The following GPC5 variants were observed in gnomAD, a reference collection of about 807,000 sequenced individuals.
GPC5 encodes glypican-5.
In GPC5, 47 loss-of-function variants were observed where a neutral mutation model predicts 53.9. The ratio of observed to expected loss-of-function variants is 0.87; its 90% CI spans 0.69 to 1.11. The LOEUF (loss-of-function observed/expected upper bound fraction) is 1.11, where lower values mean the gene tolerates loss of function less well. Ranked by LOEUF, GPC5 falls within the 50% of genes most tolerant of loss-of-function variation. GPC5 has a pLI of 0.00. For synonymous variants in GPC5, 286 were observed against 263.3 expected, an observed-to-expected ratio of 1.09 and a Z score of -0.84; for missense variants, 748 against 713.1, an observed-to-expected ratio of 1.05 and a Z score of -0.56.
chr13:92,679,818 A>ACTCTCTCTCGCTCGCGTGCGTG (rs1311601021), intron 7 of GPC5, among the ~76,000 whole-genome samples: 2 of 151,556 alleles, frequency 1.3e-5, no homozygotes, highest in Non-Finnish European at 2.9e-5. Context: ...TCTCTCATGC[A>ACTCTCTCTCGCTCGCGTGCGTG]CTCTCTCTCG....
Position 92,256,692 on chromosome 13 carries a change from C to T in GPC5, c.1561+111703C>T, listed in dbSNP as rs953440352. Among the ~76,000 whole-genome samples the T allele has an allele frequency of 6.6e-5, 10 of 151,424 alleles. 1 individual carries two copies. Among genetic ancestry groups the T allele is most frequent in the Admixed American group, 1.3e-4 (2 of 15,190 alleles). On this transcript the variant is annotated intron_variant, in intron 7 of 7. Coordinates refer to ENST00000377067, the MANE Select transcript of GPC5 (RefSeq NM_004466.6). Reference sequence around the variant, plus strand: ...TTACCTAGTTCAATATGAATCTGTACCAATTAAAAGCAATATTTTAGTCAG... The same window carrying T: ...TTACCTAGTTCAATATGAATCTGTATCAATTAAAAGCAATATTTTAGTCAG...
chr13:92,762,479 C>T lies in GPC5; in HGVS notation c.1562-103803C>T, dbSNP rs114241815. Among the ~76,000 whole-genome samples, 302 of 152,190 alleles carry T rather than the reference C, an allele frequency of 2.0e-3. 1 individual carries two copies. The highest frequency in any genetic ancestry group is 7.1e-3 in the African/African-American group (295 of 41,554). Reference sequence around the variant, plus strand: ...AACAAAGATTTTCTTATATGTGACTCGTTGCTTTTCTCTCACTGCTTTTAA... The same window carrying T: ...AACAAAGATTTTCTTATATGTGACTTGTTGCTTTTCTCTCACTGCTTTTAA... On this transcript the variant is annotated intron_variant, in intron 7 of 7. Transcript: ENST00000377067.
chr13:91,725,233 C>T (rs769237535), intron 3 of GPC5: 2 of 152,148 alleles, frequency 1.3e-5, no homozygotes, highest in Non-Finnish European at 2.9e-5. Context: ...AGTAGATAAG[C>T]ATTAGGGAGG....
intron 6 of GPC5, among the ~76,000 whole-genome samples, chr13:92,039,717 A>G (rs1476914469): frequency 1.3e-5 from 2 of 152,126 alleles, no homozygotes; most frequent in Non-Finnish European, 2.9e-5. Flanking sequence ...TTGGCTCACA[A>G]TGAATGGCTG....
chr13:92,305,591 T>A (rs1006772114), intron 7 of GPC5, among the ~76,000 whole-genome samples: 5 of 152,146 alleles, frequency 3.3e-5, no homozygotes, highest in African/African-American at 9.6e-5. Context: ...AAGAACATCA[T>A]GAAAAAAAAT....
At chr13:92,652,203 A>G (rs1885981700) in intron 7 of GPC5, among the ~76,000 whole-genome samples, 1 of 152,136 alleles carries the variant, frequency 6.6e-6, no homozygotes, top group Admixed American at 6.6e-5. Flanking sequence ...TATGGTTTAA[A>G]ATACTTTTCT....
At chr13:92,617,337 A>C (rs1481048182) in intron 7 of GPC5, among the ~76,000 whole-genome samples, 2 of 152,196 alleles carry the variant, frequency 1.3e-5, no homozygotes, top group Admixed American at 6.5e-5. Context: ...TCCAGCATTC[A>C]GTTCCTTTAG....
At chr13:92,302,698 C>G (rs1461998242) in intron 7 of GPC5, among the ~76,000 whole-genome samples, 1 of 152,174 alleles carries the variant, frequency 6.6e-6, no homozygotes, top group African/African-American at 2.4e-5. Context: ...TAAGTTTGGG[C>G]TAACTGCAAT....
chr13:91,609,905 A>G (rs1051726245), intron 2 of GPC5, among the ~76,000 whole-genome samples: 3 of 152,220 alleles, frequency 2.0e-5, no homozygotes, highest in Non-Finnish European at 4.4e-5. Flanking sequence ...TGCTAAGGAA[A>G]GGGGGAAGAC....
At chr13:91,464,862 G>T (rs1440827269) in intron 2 of GPC5, among the ~76,000 whole-genome samples, 4 of 152,006 alleles carry the variant, frequency 2.6e-5, no homozygotes, top group Admixed American at 2.6e-4. Context: ...AAGCTCTGTA[G>T]ATTCTACCAA....
At chr13:92,613,545 A>G (rs1884563148) in intron 7 of GPC5, among the ~76,000 whole-genome samples, 1 of 127,066 alleles carries the variant, frequency 7.9e-6, no homozygotes, top group African/African-American at 3.0e-5. Flanking sequence ...AAAATATAAT[A>G]TATAATTTAT....
At chr13:91,665,622 C>A (rs539960435) in intron 2 of GPC5, among the ~76,000 whole-genome samples, 1 of 152,208 alleles carries the variant, frequency 6.6e-6, no homozygotes, top group African/African-American at 2.4e-5. Context: ...CCTGCCTCAG[C>A]CTCCCAAGTA....
At chr13:92,673,156 CT>C (rs35753141) in intron 7 of GPC5, among the ~76,000 whole-genome samples, 33,616 of 151,566 alleles carry the variant, frequency 0.22, 4,381 homozygotes, top group South Asian at 0.36. Flanking sequence ...ATTCATTTAC[CT>C]TTTTAAAAAA....
At chr13:92,648,551 GT>G (rs1431072165) in intron 7 of GPC5, among the ~76,000 whole-genome samples, 3 of 151,934 alleles carry the variant, frequency 2.0e-5, no homozygotes, top group African/African-American at 7.2e-5. Context: ...TTATTTCAAT[GT>G]TTTTGCCCTA....
At chr13:91,819,151 CTTTTTTTTT>C (rs386380203) in intron 5 of GPC5, among the ~76,000 whole-genome samples, 21 of 58,082 alleles carry the variant, frequency 3.6e-4, no homozygotes, top group African/African-American at 1.6e-3. Context: ...AAAATATGCG[CTTTTTTTTT>C]TTTTTTTTTT....
chr13:92,475,310 G>C (rs577724279), intron 7 of GPC5, among the ~76,000 whole-genome samples: 4 of 147,162 alleles, frequency 2.7e-5, no homozygotes, highest in South Asian at 2.2e-4. Context: ...CCATTTTCAC[G>C]ATATTGATTC....
At chr13:91,601,731 G>T (rs2139238951) in intron 2 of GPC5, among the ~76,000 whole-genome samples, 1 of 152,296 alleles carries the variant, frequency 6.6e-6, no homozygotes, top group African/African-American at 2.4e-5. Flanking sequence ...GGACTGTCTA[G>T]TTGCAGGAAA....
chr13:92,766,762 T>C (rs1033487774), intron 7 of GPC5, among the ~76,000 whole-genome samples: 3 of 152,220 alleles, frequency 2.0e-5, no homozygotes, highest in Non-Finnish European at 2.9e-5. Context: ...GTTGAATAAA[T>C]TCATTTGCTT....
chr13:91,571,959 A>ACGTG (rs2031874264), intron 2 of GPC5, among the ~76,000 whole-genome samples: 1 of 137,954 alleles, frequency 7.2e-6, no homozygotes, highest in Non-Finnish European at 1.6e-5. Flanking sequence ...ATACACACAT[A>ACGTG]TATGTATATA....
Sources: allele counts gnomAD v4.1 joint callset (sites outside exome capture counted in the v4.1 genomes callset), GRCh38; gene constraint gnomAD v4.1.1; transcripts MANE v1.5; gene names NCBI Gene and HGNC (gene_info 2026-07-23, HGNC 2026-07-21).